FAM131B: variants seen among roughly 807,000 people sequenced by gnomAD.
The protein encoded by FAM131B is protein FAM131B.
Under a neutral mutation model 42.0 loss-of-function variants are expected in FAM131B, and 19 were observed. The ratio of observed to expected loss-of-function variants is 0.45; its 90% CI spans 0.32 to 0.66. The LOEUF (loss-of-function observed/expected upper bound fraction) is 0.66, where lower values mean the gene tolerates loss of function less well. Ranked by LOEUF, FAM131B falls within the 30% of genes least tolerant of loss-of-function variation. The probability of loss-of-function intolerance (pLI) is 0.05; values close to 1 mark genes in which losing one functional copy is unlikely to be tolerated. For missense variants in FAM131B, 370 were observed against 468.4 expected (o/e 0.79, Z 1.94); for synonymous variants, 183 against 177.6 (o/e 1.03, Z -0.24).
At chr7:143,378,137 A>G in the FAM131B span, among the ~76,000 whole-genome samples, 1 of 152,276 alleles carries the variant, frequency 6.6e-6, no homozygotes, top group African/African-American at 2.4e-5. Flanking sequence ...TGCTGTTTTC[A>G]GAATGCTTCA....
upstream of FAM131B, among the ~76,000 whole-genome samples, chr7:143,367,207 T>C (rs556370020): frequency 2.6e-5 from 4 of 152,158 alleles, no homozygotes; most frequent in Admixed American, 6.5e-5. Flanking sequence ...CAGTTAGTTA[T>C]AGAGGATGAG....
At chr7:143,373,070 T>A in the FAM131B span, among the ~76,000 whole-genome samples, 1 of 152,168 alleles carries the variant, frequency 6.6e-6, no homozygotes, top group African/African-American at 2.4e-5. Flanking sequence ...TCATTTATTT[T>A]TTTTCTTTTT....
At chr7:143,375,701 T>C in the FAM131B span, among the ~76,000 whole-genome samples, 12 of 152,308 alleles carry the variant, frequency 7.9e-5, no homozygotes, top group African/African-American at 2.9e-4. Context: ...AGATGGGTTA[T>C]CTACCTACAT....
chr7:143,360,198 C>T (rs768895544), intron 1 of FAM131B, 49 bp from the exon 2 acceptor site: 15 of 1,559,506 alleles, frequency 9.6e-6, no homozygotes, highest in African/African-American at 1.4e-5. Flanking sequence ...CCTGTGCAGC[C>T]GAGGCGACAC....
In FAM131B at chr7:143,356,187, G is replaced by T. The variant is rs541795344; in HGVS notation, c.*363C>A. 4.2e-5 allele frequency: 10 copies of T among 236,388 alleles called. No homozygotes were observed. The highest frequency in any genetic ancestry group is 6.6e-5 in the Non-Finnish European group (8 of 120,574). 14.6% of individuals were successfully genotyped at this position (236,388 alleles called of 1,614,324 possible). A position where few individuals can be genotyped will look rare whatever the true frequency, so the allele number is the denominator to read the frequency against. ...GTTACAGCTCCTGGAAGACGAAATCGGGGCGTGAAGAACTGAGATCCAGTC... is the reference window on the plus strand; with the variant it reads ...GTTACAGCTCCTGGAAGACGAAATCTGGGCGTGAAGAACTGAGATCCAGTC... On this transcript the variant is annotated 3_prime_UTR_variant, in exon 7 of 7. Transcript: ENST00000443739. The surrounding 1 kb of genome is among the most constrained non-coding windows in gnomAD (Gnocchi z 4.4).
chr7:143,359,829 C>T lies in FAM131B; in HGVS notation c.139-62G>A, dbSNP rs1803869985. 1.3e-6 allele frequency: 2 copies of T among 1,484,792 alleles called. No individual in the cohort carries two copies. Among genetic ancestry groups the T allele is most frequent in the South Asian group, 1.2e-5 (1 of 82,628 alleles). The allele number at this position is 1,484,792 out of a possible 1,614,324, so 92.0% of individuals were successfully genotyped here. A position where few individuals can be genotyped will look rare whatever the true frequency, so the allele number is the denominator to read the frequency against. Reference sequence around the variant, plus strand: ...CACTCGCAGGAATGCAAGGAAGCCCCCTTCCTCAGAGGGCCTTCCAGGAGT... The same window carrying T: ...CACTCGCAGGAATGCAAGGAAGCCCTCTTCCTCAGAGGGCCTTCCAGGAGT... On this transcript the variant is annotated intron_variant, in intron 2 of 6. Coordinates refer to ENST00000443739, the MANE Select transcript of FAM131B (RefSeq NM_001031690.3). The surrounding 1 kb of genome is among the most constrained non-coding windows in gnomAD (Gnocchi z 5.4).
chr7:143,353,845 AG>A lies in FAM131B; in HGVS notation c.*2704del, dbSNP rs536934134. ...GAAGATTTGGATTTTCATTTAATAAAGTCAATTGAAAATGAAAGTGCACCCC... is the reference window on the plus strand; with the variant it reads ...GAAGATTTGGATTTTCATTTAATAAATCAATTGAAAATGAAAGTGCACCCC... On this transcript the variant is annotated 3_prime_UTR_variant, in exon 7 of 7. Transcript: ENST00000443739. 21 of 151,922 alleles carry A rather than the reference AG, an allele frequency of 1.4e-4. No homozygotes were observed. In the East Asian group the frequency reaches 3.7e-3, roughly 27 times the overall value. 9.4% of individuals were successfully genotyped at this position (151,922 alleles called of 1,614,324 possible). A position where few individuals can be genotyped will look rare whatever the true frequency, so the allele number is the denominator to read the frequency against.
In FAM131B at chr7:143,355,647, C is replaced by A. The variant is rs1299876054; in HGVS notation, c.*903G>T. 1 of 152,652 alleles carries A rather than the reference C, an allele frequency of 6.6e-6. No individual in the cohort carries two copies. The allele number at this position is 152,652 out of a possible 1,614,324, so 9.5% of individuals were successfully genotyped here. On this transcript the variant is annotated 3_prime_UTR_variant, in exon 7 of 7. Coordinates refer to ENST00000443739, the MANE Select transcript of FAM131B (RefSeq NM_001031690.3). The surrounding 1 kb of genome is among the most constrained non-coding windows in gnomAD (Gnocchi z 4.1). ...CATGCTCCCCCTGCTGTTGGCGACA[C>A]CTGCATCCTGCGTTGGTGTATCCAA...
chr7:143,361,291 C>G (rs976838904), intron 1 of FAM131B: 1 of 151,828 alleles, frequency 6.6e-6, no homozygotes, highest in Non-Finnish European at 1.5e-5. Context: ...GAAAGATGGC[C>G]CTCCGGACAC....
rs1465329303 is a variant in FAM131B, at chr7:143,358,861, G to A, written c.432C>T (p.Leu144=). Residue 144 remains leucine (L), a synonymous_variant, in exon 5 of 7, where the codon CTC becomes CTT. Transcript: ENST00000443739. The surrounding 1 kb of genome is among the most constrained non-coding windows in gnomAD (Gnocchi z 4.7). ...AACGTGCCTCCTTCTCGCCATCGCT[G>A]AGGTCGGAGTAGGCATCCGTATCCC... ...VRRDTDAYSD[L]SDGEKEARFL... 1 of 1,614,152 alleles carries A rather than the reference G, an allele frequency of 6.2e-7. No homozygotes were observed. The highest frequency in any genetic ancestry group is 1.7e-5 in the Admixed American group (1 of 60,022).
Position 143,358,114 on chromosome 7 carries a change from G to A in FAM131B, c.467-691C>T, listed in dbSNP as rs986369698. Among the ~76,000 whole-genome samples, 1 of 152,038 alleles carries A rather than the reference G, an allele frequency of 6.6e-6. No individual in the cohort carries two copies. The highest frequency in any genetic ancestry group is 1.5e-5 in the Non-Finnish European group (1 of 68,014). On this transcript the variant is annotated intron_variant, in intron 5 of 6. Transcript: ENST00000443739. The surrounding 1 kb of genome is among the most constrained non-coding windows in gnomAD (Gnocchi z 4.7). ...AGGAAAAGGGGATGGGTAGACCTGG[G>A]GATCCCTATTCTAGTCAAATCCATG...
chr7:143,359,099 C>A lies in FAM131B; in HGVS notation c.269-75G>T. 6.9e-7 allele frequency: 1 copy of A among 1,449,598 alleles called. No individual in the cohort carries two copies. 89.8% of individuals were successfully genotyped at this position (1,449,598 alleles called of 1,614,324 possible). A position where few individuals can be genotyped will look rare whatever the true frequency, so the allele number is the denominator to read the frequency against. ...ATAACCAGACCCTCCCAGTTCCTCC[C>A]ACCCCAGCCCCATGAGGCTCCATCC... On this transcript the variant is annotated intron_variant, in intron 4 of 6. Transcript: ENST00000443739. This position sits in a 1 kb window ranked among gnomAD's most constrained non-coding sequence, Gnocchi z 5.4.
the FAM131B span, chr7:143,380,052 T>G: frequency 2.0e-6 from 2 of 984,238 alleles, no homozygotes; most frequent in Non-Finnish European, 2.4e-6. The surrounding 1 kb of genome is among the most constrained non-coding windows in gnomAD (Gnocchi z 5.0). Flanking sequence ...TGTAGCCGGA[T>G]TTGGAGGGAC....
rs1803633408 is a variant in FAM131B at position 143,356,056 on chromosome 7, C to T, written c.*494G>A. The T allele has an allele frequency of 6.0e-6, 1 of 166,004 alleles. No individual in the cohort carries two copies. Among genetic ancestry groups the T allele is most frequent in the Admixed American group, 5.5e-5 (1 of 18,096 alleles). The allele number at this position is 166,004 out of a possible 1,614,324, so 10.3% of individuals were successfully genotyped here. On this transcript the variant is annotated 3_prime_UTR_variant, in exon 7 of 7. Coordinates refer to ENST00000443739, the MANE Select transcript of FAM131B (RefSeq NM_001031690.3). The surrounding 1 kb of genome is among the most constrained non-coding windows in gnomAD (Gnocchi z 4.4). ...GCCTGTCCAGCCATGTCCAACAGCC[C>T]CTGAGGTCTGTTCTCTCAGTAGGGA...
Position 143,362,650 on chromosome 7 carries a change from GCCGGGGGGAGCA to G in FAM131B, c.-59_-48del. On this transcript the variant is annotated 5_prime_UTR_variant, in exon 1 of 7. Transcript: ENST00000443739. The surrounding 1 kb of genome is among the most constrained non-coding windows in gnomAD (Gnocchi z 7.7). ...GGGCCCTCACCGACTCGGGGCGCGC[GCCGGGGGGAGCA>G]CCGGGAGCCGCGCCGCCGCCCCAGC... 1 of 1,144,404 alleles carries G rather than the reference GCCGGGGGGAGCA, an allele frequency of 8.7e-7. No homozygotes were observed. Among genetic ancestry groups the G allele is most frequent in the Non-Finnish European group, 1.1e-6 (1 of 918,592 alleles). The allele number at this position is 1,144,404 out of a possible 1,614,324, so 70.9% of individuals were successfully genotyped here.
Position 143,355,858 on chromosome 7 carries a change from G to A in FAM131B, c.*692C>T, listed in dbSNP as rs1262591829. 6.6e-6 allele frequency: 1 copy of A among 152,528 alleles called. No homozygotes were observed. The highest frequency in any genetic ancestry group is 1.5e-5 in the Non-Finnish European group (1 of 68,322). The allele number at this position is 152,528 out of a possible 1,614,324, so 9.4% of individuals were successfully genotyped here. A position where few individuals can be genotyped will look rare whatever the true frequency, so the allele number is the denominator to read the frequency against. On this transcript the variant is annotated 3_prime_UTR_variant, in exon 7 of 7. Coordinates refer to ENST00000443739, the MANE Select transcript of FAM131B (RefSeq NM_001031690.3). The surrounding 1 kb of genome is among the most constrained non-coding windows in gnomAD (Gnocchi z 4.1). ...TGTGTTTGTTCTTAGTCTCCTCAGT[G>A]ACTCTCTTGTCTCCGGGCAGGCCTT...
At chr7:143,382,153 G>C in the FAM131B span, 1 of 1,054,112 alleles carries the variant, frequency 9.5e-7, no homozygotes, top group Non-Finnish European at 1.4e-6. Context: ...ACCCCTGAGA[G>C]AGTTCTTGGG....
At chr7:143,372,364 G>A in the FAM131B span, among the ~76,000 whole-genome samples, 2 of 152,238 alleles carry the variant, frequency 1.3e-5, no homozygotes, top group East Asian at 1.9e-4. Context: ...GATTGTCCAG[G>A]AAATGTGAGC....
At chr7:143,367,023 A>C (rs1168884525), upstream of FAM131B, among the ~76,000 whole-genome samples, 1 of 152,134 alleles carries the variant, frequency 6.6e-6, no homozygotes, top group Non-Finnish European at 1.5e-5. Flanking sequence ...TGTAGTGTGT[A>C]AGTTGTATTC....
Sources: gnomAD v4.1 joint callset for allele counts (sites outside exome capture counted in the v4.1 genomes callset) on GRCh38, gnomAD v4.1.1 for gene constraint, Gnocchi (gnomAD v3.1) non-coding constraint, MANE v1.5 for transcripts, NCBI Gene and HGNC (gene_info 2026-07-23, HGNC 2026-07-21) for gene names.